OR52I2: variants seen among roughly 807,000 people sequenced by gnomAD.
OR52I2 encodes the protein olfactory receptor 52I2.
For missense variants in OR52I2, 350 were observed against 402.4 expected (o/e 0.87, Z 1.11); for synonymous variants, 147 against 151.9 (o/e 0.97, Z 0.24).
chr11:4,590,253 A>G (rs1249359836), exon 2 of OR52I2: 1 of 152,220 alleles, frequency 6.6e-6, no homozygotes, highest in African/African-American at 2.4e-5. Context: ...ATCAGGGAGC[A>G]GGCAGTTGTG....
At chr11:4,583,187 A>G (rs1009240) in intron 1 of OR52I2, among the ~76,000 whole-genome samples, 77,198 of 151,962 alleles carry the variant, frequency 0.51, 20,517 homozygotes, top group East Asian at 0.64. Context: ...ACAGCCAACA[A>G]AATCAAATAT....
chr11:4,589,532 A>C (rs1038459813), exon 2 of OR52I2: 2 of 152,180 alleles, frequency 1.3e-5, no homozygotes, highest in Non-Finnish European at 2.9e-5. Flanking sequence ...TACTCTTCCT[A>C]TACAGGGCTG....
intron 1 of OR52I2, among the ~76,000 whole-genome samples, chr11:4,583,753 T>TA (rs1341028781): frequency 2.6e-5 from 4 of 152,240 alleles, no homozygotes; most frequent in Non-Finnish European, 4.4e-5. Context: ...GTTGTAGGTT[T>TA]ATTTCTTTTA....
At chr11:4,593,123 T>C (rs2133191233) in exon 2 of OR52I2, 1 of 152,552 alleles carries the variant, frequency 6.6e-6, no homozygotes, top group Non-Finnish European at 1.5e-5. Context: ...TGGCACATAC[T>C]GTGTTAATAA....
At chr11:4,583,122 A>G (rs549911887) in intron 1 of OR52I2, among the ~76,000 whole-genome samples, 1 of 152,350 alleles carries the variant, frequency 6.6e-6, no homozygotes, top group Non-Finnish European at 1.5e-5. Context: ...ATTTGATCTT[A>G]GCCAAGAAAT....
At chr11:4,582,190 G>A (rs1051066813) in intron 1 of OR52I2, among the ~76,000 whole-genome samples, 1 of 152,132 alleles carries the variant, frequency 6.6e-6, no homozygotes, top group Admixed American at 6.5e-5. Flanking sequence ...CAATAGGGGT[G>A]ACTGGGAGTA....
chr11:4,582,502 T>C (rs983875163), intron 1 of OR52I2, among the ~76,000 whole-genome samples: 8 of 136,388 alleles, frequency 5.9e-5, no homozygotes, highest in African/African-American at 2.2e-4. Context: ...TGCAGTGGCA[T>C]GATCTTGGCT....
exon 2 of OR52I2, chr11:4,588,448 C>G (rs1370576716): frequency 6.4e-6 from 1 of 156,250 alleles, no homozygotes; most frequent in East Asian, 1.9e-4. Context: ...AAACATGGCC[C>G]CATGCACCCC....
exon 2 of OR52I2, chr11:4,590,934 G>C (rs751674849): frequency 6.6e-6 from 1 of 152,116 alleles, no homozygotes; most frequent in Non-Finnish European, 1.5e-5. Flanking sequence ...TATTTCTTAA[G>C]CTCAGGGATT....
chr11:4,587,926 G>C (rs957425848), exon 2 of OR52I2: 2 of 1,342,834 alleles, frequency 1.5e-6, no homozygotes, highest in Non-Finnish European at 2.1e-6. Context: ...GCAGAGCTTA[G>C]TTTACCTGGT....
chr11:4,587,944 G>C, exon 2 of OR52I2: 1 of 1,135,282 alleles, frequency 8.8e-7, no homozygotes, highest in Non-Finnish European at 1.3e-6. Context: ...GGTGCTACAG[G>C]AATTCTAAGA....
At position 4,587,144 on chromosome 11, in the gene OR52I2, T is replaced by C. The variant is rs760581992; in HGVS notation, c.254T>C (p.Met85Thr). Residue 85 changes from methionine to threonine, a missense_variant, in exon 2 of 2, where the codon ATG becomes ACG. By Grantham distance (81) the Met-to-Thr change is moderately conservative. Transcript: ENST00000641896. ...ATGGCCTCCTCGGTGGTACCCAAGATGGTGAGCATCTTCTGCTCAGGAGAC... is the reference window on the plus strand; with the variant it reads ...ATGGCCTCCTCGGTGGTACCCAAGACGGTGAGCATCTTCTGCTCAGGAGAC... 1.2e-5 allele frequency: 19 copies of C among 1,613,982 alleles called. No individual in the cohort carries two copies. The highest frequency in any genetic ancestry group is 1.5e-5 in the Non-Finnish European group (18 of 1,180,018).
exon 2 of OR52I2, chr11:4,587,513 C>G: frequency 6.2e-7 from 1 of 1,614,198 alleles, no homozygotes; most frequent in Non-Finnish European, 8.5e-7. Context: ...ATTGGTTCCT[C>G]TCTTATGGTG....
At position 4,586,703 on chromosome 11, in the gene OR52I2, A is replaced by G. The variant is rs1020580551; in HGVS notation, c.-19-169A>G. ...ACAATGAATACAAATTTGGAAGGGAAGAATATTAAGGAGGATAAAAGTGGT... is the reference window on the plus strand; with the variant it reads ...ACAATGAATACAAATTTGGAAGGGAGGAATATTAAGGAGGATAAAAGTGGT... On this transcript the variant is annotated intron_variant, in intron 1 of 1. Coordinates refer to ENST00000641896, the Ensembl canonical transcript of OR52I2. 3.5e-6 allele frequency: 3 copies of G among 857,990 alleles called. No individual in the cohort carries two copies. In the African/African-American group the frequency reaches 5.1e-5, roughly 15 times the overall value. The allele number at this position is 857,990 out of a possible 1,614,324, so 53.1% of individuals were successfully genotyped here. A position where few individuals can be genotyped will look rare whatever the true frequency, so the allele number is the denominator to read the frequency against.
At chr11:4,591,185 C>G (rs1202149769) in exon 2 of OR52I2, 2 of 152,160 alleles carry the variant, frequency 1.3e-5, no homozygotes, top group African/African-American at 4.8e-5. Flanking sequence ...TGTACCACAG[C>G]AGATGGGATC....
rs181147737 is a variant in OR52I2 at position 4,582,872 on chromosome 11, T to C, written c.-20+1008T>C. On this transcript the variant is annotated intron_variant, in intron 1 of 1. Transcript: ENST00000641896. Reference sequence around the variant, plus strand: ...TGGACAGAGCATTCTGAAAACAGTATGCCTTACCAGCCTGAGAGCAATAGT... The same window carrying C: ...TGGACAGAGCATTCTGAAAACAGTACGCCTTACCAGCCTGAGAGCAATAGT... Among the ~76,000 whole-genome samples the C allele has an allele frequency of 7.0e-4, 107 of 152,344 alleles. 1 individual carries two copies. Among genetic ancestry groups the C allele is most frequent in the African/African-American group, 2.6e-3 (107 of 41,564 alleles).
exon 2 of OR52I2, chr11:4,589,422 C>G (rs560170007): frequency 3.9e-5 from 6 of 152,198 alleles, no homozygotes; most frequent in Non-Finnish European, 8.8e-5. Flanking sequence ...GAAAGTTAAA[C>G]AGAGAAAACT....
At chr11:4,584,901 G>C (rs1169226240) in intron 1 of OR52I2, among the ~76,000 whole-genome samples, 3 of 152,166 alleles carry the variant, frequency 2.0e-5, no homozygotes, top group Non-Finnish European at 4.4e-5. Flanking sequence ...GATGCTACTT[G>C]CAGCAATCTA....
chr11:4,584,784 T>A (rs1253573640), intron 1 of OR52I2, among the ~76,000 whole-genome samples: 1 of 152,154 alleles, frequency 6.6e-6, no homozygotes, highest in Non-Finnish European at 1.5e-5. Context: ...GGTTGAGACA[T>A]CTTCAGTGGT....
Sources: gnomAD v4.1 joint callset for allele counts (sites outside exome capture counted in the v4.1 genomes callset) on GRCh38, gnomAD v4.1.1 for gene constraint, MANE v1.5 for transcripts, NCBI Gene and HGNC (gene_info 2026-07-23, HGNC 2026-07-21) for gene names.